Variants in NGDN observed in about 807,000 individuals in gnomAD.
NGDN encodes EIF4E-binding protein.
NGDN carries 41 observed loss-of-function variants against 45.2 expected under a neutral mutation model. That is an observed-to-expected ratio of 0.91 (90% CI 0.71 to 1.18). The LOEUF (loss-of-function observed/expected upper bound fraction) is 1.18. Ranked by LOEUF, NGDN falls within the 50% of genes most tolerant of loss-of-function variation. The probability of loss-of-function intolerance (pLI) is 0.00; values close to 1 mark genes in which losing one functional copy is unlikely to be tolerated. For synonymous variants in NGDN, 137 were observed against 130.9 expected (o/e 1.05, Z -0.32); for missense variants, 402 against 399.9 (o/e 1.01, Z -0.05).
intron 10 of NGDN, 78 bp downstream of exon 10, chr14:23,477,638 T>G (rs1893934959): frequency 1.9e-6 from 3 of 1,597,060 alleles, no homozygotes; most frequent in East Asian, 4.5e-5. Flanking sequence ...TTTGCCATTC[T>G]GGGTCTCACC....
chr14:23,475,927 C>G (rs1013013322), intron 6 of NGDN, 102 bp from the exon 7 acceptor site: 1 of 1,508,346 alleles, frequency 6.6e-7, no homozygotes, highest in South Asian at 1.2e-5. Flanking sequence ...CCCTTTTTTC[C>G]CTTTTTATAT....
intron 3 of NGDN, 28 bp from the exon 4 acceptor site, chr14:23,475,143 G>C (rs763087979): frequency 6.3e-7 from 1 of 1,591,914 alleles, no homozygotes; most frequent in African/African-American, 1.4e-5. Flanking sequence ...AACCAAATCT[G>C]TTTTTCTTTC....
At chr14:23,475,865 C>A in intron 6 of NGDN, 87 bp downstream of exon 6, 2 of 1,477,330 alleles carry the variant, frequency 1.4e-6, no homozygotes, top group Non-Finnish European at 1.9e-6. Context: ...CCCTGGGATT[C>A]TCTTAGGACT....
At chr14:23,475,055 A>G in intron 3 of NGDN, 116 bp from the exon 4 acceptor site, 1 of 1,048,280 alleles carries the variant, frequency 9.5e-7, no homozygotes, top group Non-Finnish European at 1.4e-6. Context: ...CAGATACCTA[A>G]TATGAACTGA....
chr14:23,477,334 G>C lies in NGDN; in HGVS notation c.848G>C (p.Gly283Ala). ...TTCAGTGACATCAGTGCTTTGACAG[G>C]GGGAACTGTTCATCTTGATGAGGTG... The part of the protein sequence containing the change: ...THFSDISALT[G>A]GTVHLDEDQN... Residue 283 changes from glycine to alanine, a missense_variant, in exon 9 of 11, where the codon GGG becomes GCG. Transcript: ENST00000408901. 1.2e-6 allele frequency: 2 copies of C among 1,614,206 alleles called. No homozygotes were observed. Among genetic ancestry groups the C allele is most frequent in the South Asian group, 2.2e-5 (2 of 91,086 alleles).
intron 3 of NGDN, among the ~76,000 whole-genome samples, chr14:23,472,182 T>TAAA (rs78085081): frequency 2.6e-4 from 21 of 82,086 alleles, no homozygotes; most frequent in East Asian, 1.0e-3. Flanking sequence ...GAGACTGTCT[T>TAAA]AAAAAAAAAA....
Position 23,476,273 on chromosome 14 carries a change from A to G in NGDN, c.579A>G (p.Leu193=), listed in dbSNP as rs1893900815. 6.2e-7 allele frequency: 1 copy of G among 1,614,224 alleles called. No individual in the cohort carries two copies. The highest frequency in any genetic ancestry group is 8.5e-7 in the Non-Finnish European group (1 of 1,180,036). Residue 193 remains leucine, a synonymous_variant, in exon 8 of 11, where the codon CTA becomes CTG. Coordinates refer to ENST00000408901, the MANE Select transcript of NGDN (RefSeq NM_001042635.2). ...ETEAEREKKR[L]ERAKRRALSS... The stretch of plus-strand genomic sequence containing the variant: ...AAGCTGAGCGGGAGAAGAAGCGTCT[A>G]GAACGAGCCAAGAGACGGGCATTGA...
chr14:23,470,184 G>C, intron 2 of NGDN, 83 bp downstream of exon 2: 1 of 1,204,444 alleles, frequency 8.3e-7, no homozygotes, highest in Non-Finnish European at 1.2e-6. Flanking sequence ...TGGTGATTGA[G>C]ATACGTGAAT....
At chr14:23,478,448 G>T (rs909065602), downstream of NGDN, 3 of 161,316 alleles carry the variant, frequency 1.9e-5, no homozygotes, top group Non-Finnish European at 4.0e-5. Flanking sequence ...ATTAACACAT[G>T]AATTTTAGGT....
rs74039336 is a variant in NGDN, at chr14:23,474,058, G to C, written c.145-1113G>C. Among the ~76,000 whole-genome samples, 744 of 131,552 alleles carry C rather than the reference G, an allele frequency of 5.7e-3. 10 individuals carry two copies. Among genetic ancestry groups the C allele is most frequent in the African/African-American group, 0.02 (715 of 35,536 alleles). 86.3% of individuals were successfully genotyped at this position (131,552 alleles called of 152,430 possible). A position where few individuals can be genotyped will look rare whatever the true frequency, so the allele number is the denominator to read the frequency against. ...ATCTCAAAAAAAAAAAAAAAAAAAA[G>C]ACTGAGGTCACAAGGTTAAGTGACT... On this transcript the variant is annotated intron_variant, in intron 3 of 10. Coordinates refer to ENST00000408901, the MANE Select transcript of NGDN (RefSeq NM_001042635.2).
chr14:23,477,374 T>A lies in NGDN; in HGVS notation c.870+18T>A. 3 of 1,613,868 alleles carry A rather than the reference T, an allele frequency of 1.9e-6. No individual in the cohort carries two copies. The highest frequency in any genetic ancestry group is 3.3e-4 in the Middle Eastern group (2 of 6,062). ...TTGATGAGGTGAGGTTGAGATATGG[T>A]TGTAGTAGGATGTGACTTTCATGCT... On this transcript the variant is annotated intron_variant, in intron 9 of 10. Coordinates refer to ENST00000408901, the MANE Select transcript of NGDN (RefSeq NM_001042635.2).
rs185019307 is a variant in NGDN at position 23,473,876 on chromosome 14, T to G, written c.145-1295T>G. Among the ~76,000 whole-genome samples the G allele has an allele frequency of 1.6e-3, 245 of 151,846 alleles. 1 individual carries two copies. Among genetic ancestry groups the G allele is most frequent in the Non-Finnish European group, 2.6e-3 (175 of 67,906 alleles). ...GTATTTACCCATAGAATATTTGGCT[T>G]AAATACAAAAAATTAGCCGGGCGTG... On this transcript the variant is annotated intron_variant, in intron 3 of 10. Transcript: ENST00000408901.
Position 23,470,932 on chromosome 14 carries a change from A to G in NGDN, c.99A>G (p.Lys33=). The change falls in exon 3 of 11, where the codon AAA becomes AAG. Residue 33 remains lysine, a synonymous_variant. Coordinates refer to ENST00000408901, the MANE Select transcript of NGDN (RefSeq NM_001042635.2). ...TGATGGCTGTAACTGCACAAGTGAA[A>G]TCACTGACACAAAAAGTTCAAGCTG... ...EQVMAVTAQV[K]SLTQKVQAGA... 6.4e-7 allele frequency: 1 copy of G among 1,563,052 alleles called. No homozygotes were observed. The highest frequency in any genetic ancestry group is 8.6e-7 in the Non-Finnish European group (1 of 1,159,900).
rs1469418591 is a variant in NGDN at position 23,477,256 on chromosome 14, G to A, written c.770G>A (p.Gly257Glu). 6.2e-7 allele frequency: 1 copy of A among 1,614,186 alleles called. No individual in the cohort carries two copies. The highest frequency in any genetic ancestry group is 1.7e-5 in the Admixed American group (1 of 60,022). The change falls in exon 9 of 11, where the codon GGA becomes GAA. Residue 257 changes from glycine (G) to glutamate (E), a missense_variant. Gly to Glu is a moderately conservative substitution (Grantham distance 98, BLOSUM62 -2). Transcript: ENST00000408901. ...TTGAGCGTCAGTAAGCGAGAGAAAGGACGGCGAAAACGAGCAAATGTCATG... is the reference window on the plus strand; with the variant it reads ...TTGAGCGTCAGTAAGCGAGAGAAAGAACGGCGAAAACGAGCAAATGTCATG... ...VRLSVSKREK[G>E]RRKRANVMSS...
At chr14:23,470,766 C>A in intron 2 of NGDN, 140 bp from the exon 3 acceptor site, 1 of 534,374 alleles carries the variant, frequency 1.9e-6, no homozygotes, top group Non-Finnish European at 3.2e-6. Flanking sequence ...CTATGCTTTC[C>A]GAGAAGTGAG....
At chr14:23,471,130 G>A (rs1893768811) in intron 3 of NGDN, 153 bp downstream of exon 3, 1 of 475,994 alleles carries the variant, frequency 2.1e-6, no homozygotes, top group African/African-American at 2.0e-5. Context: ...GGAAGACAAA[G>A]CAAAGCAATA....
chr14:23,469,779 G>A lies in NGDN; in HGVS notation c.12+52G>A, dbSNP rs771857002. 79 of 1,610,394 alleles carry A rather than the reference G, an allele frequency of 4.9e-5. No homozygotes were observed. In the Admixed American group the frequency reaches 1.2e-3, roughly 25 times the overall value. ...CGTAGCTATTGTGGAGTTGTCCTTT[G>A]CCTTCAGCGGCTGGAGGCAAACTGT... On this transcript the variant is annotated intron_variant, in intron 1 of 10. Coordinates refer to ENST00000408901, the MANE Select transcript of NGDN (RefSeq NM_001042635.2).
At chr14:23,476,500 T>A in intron 8 of NGDN, 93 bp downstream of exon 8, 2 of 1,081,642 alleles carry the variant, frequency 1.8e-6, no homozygotes, top group Non-Finnish European at 2.5e-6. Context: ...CCAAGAGAAT[T>A]AATGTTACAT....
At chr14:23,475,980 C>CT in intron 6 of NGDN, 49 bp from the exon 7 acceptor site, 1 of 1,612,576 alleles carries the variant, frequency 6.2e-7, no homozygotes, top group Non-Finnish European at 8.5e-7. Context: ...TTTCTTCTCA[C>CT]TTATCTCATG....
Sources: gnomAD v4.1 joint callset for allele counts (sites outside exome capture counted in the v4.1 genomes callset) on GRCh38, gnomAD v4.1.1 for gene constraint, MANE v1.5 for transcripts, NCBI Gene and HGNC (gene_info 2026-07-23, HGNC 2026-07-21) for gene names.